The following SPMIP2 variants were observed in gnomAD, a reference collection of about 807,000 sequenced individuals.
The protein encoded by SPMIP2 is protein SPMIP2.
chr4:159,007,833 T>C, the SPMIP2 span: 1 of 557,004 alleles, frequency 1.8e-6, no homozygotes, highest in Non-Finnish European at 3.6e-6. Flanking sequence ...ATCTATGCAC[T>C]GAATCCAGGA....
At chr4:159,049,093 A>G in the SPMIP2 span, among the ~76,000 whole-genome samples, 1 of 152,200 alleles carries the variant, frequency 6.6e-6, no homozygotes, top group African/African-American at 2.4e-5. Flanking sequence ...AGAATTCTCT[A>G]TTGTAAATTG....
At chr4:159,057,155 T>A in the SPMIP2 span, among the ~76,000 whole-genome samples, 5 of 152,186 alleles carry the variant, frequency 3.3e-5, no homozygotes, top group Non-Finnish European at 7.3e-5. Flanking sequence ...AGATACACAA[T>A]TAAATCAGAA....
chr4:159,027,841 G>T, the SPMIP2 span, among the ~76,000 whole-genome samples: 1 of 152,082 alleles, frequency 6.6e-6, no homozygotes, highest in African/African-American at 2.4e-5. Flanking sequence ...GTGCTTCTCC[G>T]ACCACTTACA....
the SPMIP2 span, among the ~76,000 whole-genome samples, chr4:158,971,970 G>C: frequency 1.3e-5 from 2 of 152,310 alleles, no homozygotes; most frequent in South Asian, 2.1e-4. Context: ...GAGGTGAACT[G>C]ATTTGCCCAA....
At chr4:159,080,204 C>CTTTATTTA in the SPMIP2 span, among the ~76,000 whole-genome samples, 18 of 149,562 alleles carry the variant, frequency 1.2e-4, no homozygotes, top group African/African-American at 4.2e-4. Flanking sequence ...ACAACAAAGA[C>CTTTATTTA]TTTATTTATT....
the SPMIP2 span, among the ~76,000 whole-genome samples, chr4:158,899,675 TTC>T: frequency 1.3e-5 from 2 of 152,230 alleles, no homozygotes; most frequent in Non-Finnish European, 2.9e-5. Flanking sequence ...TAGTTTGTAT[TTC>T]TGTGGGATCA....
chr4:159,052,453 A>G, the SPMIP2 span, among the ~76,000 whole-genome samples: 1 of 152,116 alleles, frequency 6.6e-6, no homozygotes, highest in Non-Finnish European at 1.5e-5. Flanking sequence ...ATCTGCTCAG[A>G]TGCCACAAAC....
chr4:158,998,176 G>A, the SPMIP2 span, among the ~76,000 whole-genome samples: 14 of 152,086 alleles, frequency 9.2e-5, no homozygotes, highest in African/African-American at 2.4e-4. Flanking sequence ...AGTTTTTATG[G>A]GTTGGTAAAT....
the SPMIP2 span, among the ~76,000 whole-genome samples, chr4:158,946,975 G>A: frequency 6.6e-6 from 1 of 152,128 alleles, no homozygotes; most frequent in African/African-American, 2.4e-5. Context: ...ACAACTACAG[G>A]AGCTCTGTAC....
the SPMIP2 span, among the ~76,000 whole-genome samples, chr4:159,016,592 G>T: frequency 6.6e-6 from 1 of 152,106 alleles, no homozygotes; most frequent in Non-Finnish European, 1.5e-5. Flanking sequence ...AGGCTTTCTA[G>T]ATGGCCATCT....
chr4:158,963,374 T>C, the SPMIP2 span, among the ~76,000 whole-genome samples: 1 of 152,272 alleles, frequency 6.6e-6, no homozygotes, highest in South Asian at 2.1e-4. Context: ...CAATCTCAGC[T>C]CACTGCAACC....
the SPMIP2 span, among the ~76,000 whole-genome samples, chr4:159,013,542 C>T: frequency 6.6e-6 from 1 of 152,162 alleles, no homozygotes; most frequent in South Asian, 2.1e-4. Flanking sequence ...ATGGCTTTTC[C>T]TCTGTACAGG....
At chr4:158,980,314 A>C in the SPMIP2 span, among the ~76,000 whole-genome samples, 1 of 152,182 alleles carries the variant, frequency 6.6e-6, no homozygotes, top group Non-Finnish European at 1.5e-5. Flanking sequence ...GCCGGCTCTG[A>C]AGAGAGCAGT....
At chr4:158,908,684 C>T in the SPMIP2 span, among the ~76,000 whole-genome samples, 5 of 152,048 alleles carry the variant, frequency 3.3e-5, no homozygotes, top group Admixed American at 3.3e-4. Context: ...TATATAGATG[C>T]CTACTTCATT....
chr4:158,928,680 C>T, the SPMIP2 span, among the ~76,000 whole-genome samples: 2 of 152,172 alleles, frequency 1.3e-5, no homozygotes, highest in African/African-American at 4.8e-5. Flanking sequence ...CCCTTCCACA[C>T]AGTGGAAGCT....
At chr4:158,926,643 A>G in the SPMIP2 span, among the ~76,000 whole-genome samples, 1 of 152,274 alleles carries the variant, frequency 6.6e-6, no homozygotes, top group Non-Finnish European at 1.5e-5. Flanking sequence ...TTCTGTTGTC[A>G]TAAGGTAAAG....
the SPMIP2 span, among the ~76,000 whole-genome samples, chr4:159,078,000 A>T: frequency 6.6e-6 from 1 of 152,308 alleles, no homozygotes; most frequent in East Asian, 1.9e-4. Context: ...TAACATAGAA[A>T]AAAAGGCAAG....
chr4:158,902,159 G>A, the SPMIP2 span, among the ~76,000 whole-genome samples: 14 of 152,080 alleles, frequency 9.2e-5, no homozygotes, highest in Admixed American at 5.9e-4. Context: ...GGTGACCTTC[G>A]GATGGGGTCT....
the SPMIP2 span, among the ~76,000 whole-genome samples, chr4:158,966,089 C>T: frequency 4.0e-4 from 61 of 152,322 alleles, no homozygotes; most frequent in African/African-American, 1.3e-3. Flanking sequence ...ATTCCTATAG[C>T]ATATATTTTC....
Sources: gnomAD v4.1 joint callset for allele counts (sites outside exome capture counted in the v4.1 genomes callset) on GRCh38, gnomAD v4.1.1 for gene constraint, MANE v1.5 for transcripts, NCBI Gene and HGNC (gene_info 2026-07-23, HGNC 2026-07-21) for gene names.